Variants in RSF1 observed in about 807,000 individuals in gnomAD.
RSF1 encodes HBV pX-associated protein 8.
A neutral mutation model predicts 145.2 loss-of-function variants in RSF1; 13 were observed. The observed-to-expected ratio is 0.09, with a 90% confidence interval of 0.06 to 0.14. The LOEUF is 0.14. Among genes scored for constraint, RSF1 ranks in the 10% least tolerant of loss-of-function variants. The pLI is 1.00. For synonymous variants in RSF1, 577 were observed against 592.6 expected (o/e 0.97, Z 0.38); for missense variants, 1,517 against 1,718.2 (o/e 0.88, Z 2.07).
Position 77,764,609 on chromosome 11 carries a change from AT to A in RSF1, c.267del (p.Lys89AsnfsTer3). ...CAAATACTAGTTACCTTGATCAAAT[AT>A]TTTTCCCATCTGTCTGCAGTAACAG... ...GKSVTADRWE[K>X]YLIKICQEFN... On this transcript the variant is annotated frameshift_variant, in exon 2 of 16. Transcript: ENST00000308488. LOFTEE classifies it high-confidence loss of function. The A allele has an allele frequency of 1.3e-6, 2 of 1,585,998 alleles. No individual in the cohort carries two copies. The highest frequency in any genetic ancestry group is 1.7e-6 in the Non-Finnish European group (2 of 1,155,834).
At chr11:77,817,570 T>C (rs1298124167) in intron 1 of RSF1, among the ~76,000 whole-genome samples, 2 of 152,210 alleles carry the variant, frequency 1.3e-5, no homozygotes, top group African/African-American at 4.8e-5. Context: ...CTAGGGTGCC[T>C]TGGTGCAGTT....
At position 77,665,155 on chromosome 11, in the gene RSF1, A is replaced by G. The variant is rs925572611; in HGVS notation, c.*1762T>C. On this transcript the variant is annotated 3_prime_UTR_variant, in exon 16 of 16. Coordinates refer to ENST00000308488, the MANE Select transcript of RSF1 (RefSeq NM_016578.4). ...CAATACCTGTTGAAGAAGGAAAAGG[A>G]GTATAAAGTTCCTAGAGAGGTATTT... 10 of 152,362 alleles carry G rather than the reference A, an allele frequency of 6.6e-5. No individual in the cohort carries two copies. Among genetic ancestry groups the G allele is most frequent in the African/African-American group, 2.4e-4 (10 of 41,582 alleles). The allele number at this position is 152,362 out of a possible 1,614,324, so 9.4% of individuals were successfully genotyped here. A position where few individuals can be genotyped will look rare whatever the true frequency, so the allele number is the denominator to read the frequency against.
At chr11:77,828,755 A>C in the RSF1 span, among the ~76,000 whole-genome samples, 1 of 152,184 alleles carries the variant, frequency 6.6e-6, no homozygotes, top group Non-Finnish European at 1.5e-5. Flanking sequence ...ACACATATTC[A>C]TGGATTGGAA....
chr11:77,668,452 C>G (rs1565141936), intron 15 of RSF1, among the ~76,000 whole-genome samples: 3 of 152,246 alleles, frequency 2.0e-5, no homozygotes, highest in African/African-American at 7.2e-5. Flanking sequence ...GGACACCCAA[C>G]TCTGTACCTC....
chr11:77,813,109 C>G (rs1948746373), intron 1 of RSF1, among the ~76,000 whole-genome samples: 1 of 152,052 alleles, frequency 6.6e-6, no homozygotes, highest in Non-Finnish European at 1.5e-5. Flanking sequence ...CAGAAAGGCA[C>G]AAATTATGAA....
chr11:77,870,476 A>G, the RSF1 span, among the ~76,000 whole-genome samples: 4 of 150,890 alleles, frequency 2.7e-5, no homozygotes, highest in Admixed American at 6.7e-5. Context: ...AGCTGGGACT[A>G]CAGGCGCCCA....
chr11:77,667,169 C>A lies in RSF1; in HGVS notation c.4074G>T (p.Gly1358=), dbSNP rs755176261. Reference sequence around the variant, plus strand: ...CCACTAAGCTATAGTCCAATGGGCTCCCCACTTTGCCTACATTTTCAAAGT... The same window carrying A: ...CCACTAAGCTATAGTCCAATGGGCTACCCACTTTGCCTACATTTTCAAAGT... ...EEDFENVGKV[G]SPLDYSLVDL... is the part of the protein sequence containing the mutation. Residue 1358 remains glycine (G), a synonymous_variant, in exon 16 of 16, where the codon GGG becomes GGT. Transcript: ENST00000308488. The A allele has an allele frequency of 6.2e-7, 1 of 1,614,208 alleles. No homozygotes were observed. Among genetic ancestry groups the A allele is most frequent in the Non-Finnish European group, 8.5e-7 (1 of 1,180,040 alleles).
chr11:77,782,480 G>T (rs1948413841), intron 1 of RSF1, among the ~76,000 whole-genome samples: 1 of 152,010 alleles, frequency 6.6e-6, no homozygotes, highest in African/African-American at 2.4e-5. Context: ...GGTGGAAGTT[G>T]CAGTGAGCAG....
At chr11:77,806,419 G>A (rs188138076) in intron 1 of RSF1, among the ~76,000 whole-genome samples, 63 of 152,228 alleles carry the variant, frequency 4.1e-4, no homozygotes, top group Admixed American at 2.7e-3. Context: ...CCCAAAAAAT[G>A]AGTTGAGTGA....
chr11:77,755,805 C>T (rs1948110015), intron 2 of RSF1, among the ~76,000 whole-genome samples: 1 of 152,068 alleles, frequency 6.6e-6, no homozygotes, highest in Admixed American at 6.6e-5. Context: ...GTCTTGAACT[C>T]CTGACCTCGT....
At chr11:77,764,400 T>C (rs534996691) in intron 2 of RSF1, 198 bp downstream of exon 2, 2 of 504,342 alleles carry the variant, frequency 4.0e-6, no homozygotes, top group Non-Finnish European at 6.9e-6. Flanking sequence ...ACTTCTGAAA[T>C]CTAACTTCAG....
At chr11:77,752,579 A>C (rs894084690) in intron 2 of RSF1, among the ~76,000 whole-genome samples, 3 of 152,116 alleles carry the variant, frequency 2.0e-5, no homozygotes, top group Non-Finnish European at 2.9e-5. Context: ...GCTGAGAGCT[A>C]TTCTCTCTTT....
At position 77,700,926 on chromosome 11, in the gene RSF1, T is replaced by C; in HGVS notation, c.2303A>G (p.Lys768Arg). 1 of 1,613,522 alleles carries C rather than the reference T, an allele frequency of 6.2e-7. No homozygotes were observed. The highest frequency in any genetic ancestry group is 1.7e-4 in the Middle Eastern group (1 of 6,060). The change falls in exon 6 of 16, where the codon AAA becomes AGA. Residue 768 changes from lysine (K) to arginine (R), a missense_variant. By Grantham distance (26) the Lys-to-Arg change is conservative. Coordinates refer to ENST00000308488, the MANE Select transcript of RSF1 (RefSeq NM_016578.4). ...KQEKTEKEEE[K>R]TNVGRTLRRS... ...TCTTAAAGTACGACCCACATTTGTT[T>C]TCTCCTCTTCCTTTTCTGTCTTCTC...
At chr11:77,760,736 C>A (rs1322574525) in intron 2 of RSF1, among the ~76,000 whole-genome samples, 1 of 152,062 alleles carries the variant, frequency 6.6e-6, no homozygotes, top group Non-Finnish European at 1.5e-5. Flanking sequence ...TAACAGATGA[C>A]AATGGGCCTT....
intron 4 of RSF1, among the ~76,000 whole-genome samples, chr11:77,727,105 C>G (rs1263701719): frequency 6.6e-6 from 1 of 152,158 alleles, no homozygotes; most frequent in Non-Finnish European, 1.5e-5. Context: ...TATCTAATAT[C>G]AAAAGGTAAG....
the RSF1 span, among the ~76,000 whole-genome samples, chr11:77,852,487 CAA>C: frequency 1.3e-5 from 2 of 152,150 alleles, no homozygotes; most frequent in African/African-American, 4.8e-5. Flanking sequence ...ACCAGAACAG[CAA>C]GAGAGATATC....
chr11:77,820,331 G>A (rs1009438707), intron 1 of RSF1, among the ~76,000 whole-genome samples, 197 bp downstream of exon 1: 1 of 152,170 alleles, frequency 6.6e-6, no homozygotes, highest in Non-Finnish European at 1.5e-5. Context: ...AGTGGCCCTA[G>A]GGGGCCTCCG....
the RSF1 span, chr11:77,841,286 A>G: frequency 1.4e-6 from 1 of 701,552 alleles, no homozygotes; most frequent in Non-Finnish European, 2.6e-6. Flanking sequence ...GGAAGGGTGC[A>G]GACATTCAAA....
chr11:77,774,346 T>C (rs1214346045), intron 1 of RSF1, among the ~76,000 whole-genome samples: 1 of 152,148 alleles, frequency 6.6e-6, no homozygotes, highest in Non-Finnish European at 1.5e-5. Flanking sequence ...CTCACGCCTG[T>C]AATCCCAGCA....
Sources: gnomAD v4.1 joint callset for allele counts (sites outside exome capture counted in the v4.1 genomes callset) on GRCh38, gnomAD v4.1.1 for gene constraint, MANE v1.5 for transcripts, NCBI Gene and HGNC (gene_info 2026-07-23, HGNC 2026-07-21) for gene names.